Variants in ZEB1 observed in about 807,000 individuals in gnomAD.
The protein encoded by ZEB1 is zinc finger E-box binding homeobox 1.
ZEB1 carries 21 observed loss-of-function variants against 84.9 expected under a neutral mutation model. The observed-to-expected ratio is 0.25, with a 90% confidence interval of 0.18 to 0.36. ZEB1 has a LOEUF of 0.36. ZEB1 is among the 10% of genes least tolerant of loss of function. The pLI, the probability that ZEB1 is intolerant of heterozygous loss-of-function variation, is 1.00. For missense variants in ZEB1, 1,104 were observed against 1,330.2 expected, an observed-to-expected ratio of 0.83 and a Z score of 2.65; for synonymous variants, 420 against 471.1, an observed-to-expected ratio of 0.89 and a Z score of 1.41.
intron 1 of ZEB1, among the ~76,000 whole-genome samples, chr10:31,447,772 C>T (rs1404407300): frequency 2.5e-4 from 38 of 152,200 alleles, no homozygotes; most frequent in South Asian, 8.3e-4. Context: ...GGGTTTCTGC[C>T]GAGAGATCAG....
At chr10:31,479,697 T>C (rs2064783821) in intron 2 of ZEB1, among the ~76,000 whole-genome samples, 1 of 151,930 alleles carries the variant, frequency 6.6e-6, no homozygotes, top group African/African-American at 2.4e-5. Context: ...TAATATGCTA[T>C]TGAAATTGTT....
chr10:31,443,710 A>G (rs1322437021), intron 1 of ZEB1, among the ~76,000 whole-genome samples: 7 of 149,534 alleles, frequency 4.7e-5, no homozygotes, highest in South Asian at 2.1e-4. Flanking sequence ...ATGATTTCCA[A>G]TTTCATCCAT....
At chr10:31,337,683 G>GTTTTTTTTTT (rs756379165) in intron 1 of ZEB1, among the ~76,000 whole-genome samples, 13 of 98,796 alleles carry the variant, frequency 1.3e-4, no homozygotes, top group Admixed American at 2.1e-4. Flanking sequence ...ATTTCTTTCT[G>GTTTTTTTTTT]TTTTTTTTTT....
chr10:31,523,620 C>T (rs2072822703), intron 7 of ZEB1, among the ~76,000 whole-genome samples: 1 of 152,172 alleles, frequency 6.6e-6, no homozygotes, highest in African/African-American at 2.4e-5. Context: ...ACTAGGTAAA[C>T]TCTGTTACTA....
At position 31,521,065 on chromosome 10, in the gene ZEB1, C is replaced by T. The variant is rs766058439; in HGVS notation, c.1733C>T (p.Thr578Ile). 5 of 1,614,122 alleles carry T rather than the reference C, an allele frequency of 3.1e-6. No individual in the cohort carries two copies. The highest frequency in any genetic ancestry group is 4.2e-6 in the Non-Finnish European group (5 of 1,180,006). ...EKPESSVSSATGDGNLSPSQP... is the reference protein window; with the variant it reads ...EKPESSVSSAIGDGNLSPSQP... ...CCTGAGTCCTCTGTTTCATCAGCTA[C>T]TGGAGATGGCAATTTGTCTCCTAGT... Residue 578 changes from threonine (T) to isoleucine (I), a missense_variant, in exon 7 of 9, where the codon ACT becomes ATT. This residue lies in a region of ZEB1 where 531 missense variants were observed against 575.2 expected (regional missense o/e 0.92). Coordinates refer to ENST00000424869, the MANE Select transcript of ZEB1 (RefSeq NM_001174096.2).
At chr10:31,449,748 AC>A (rs1309952372) in intron 1 of ZEB1, among the ~76,000 whole-genome samples, 1 of 151,972 alleles carries the variant, frequency 6.6e-6, no homozygotes, top group Non-Finnish European at 1.5e-5. Flanking sequence ...TCCTACCACC[AC>A]CATTACTATT....
intron 6 of ZEB1, 41 bp downstream of exon 6, chr10:31,514,749 ATATGTGG>A (rs1373827843): frequency 2.1e-6 from 3 of 1,424,100 alleles, no homozygotes; most frequent in Non-Finnish European, 3.0e-6. Context: ...ATATCATAGC[ATATGTGG>A]TAATAAATAA....
At chr10:31,397,159 TTTATTA>T (rs200770494) in intron 1 of ZEB1, among the ~76,000 whole-genome samples, 27,302 of 128,176 alleles carry the variant, frequency 0.21, 3,323 homozygotes, top group East Asian at 0.33. Flanking sequence ...TCTTGGGTTT[TTTATTA>T]TTATTATTAT....
At position 31,483,864 on chromosome 10, in the gene ZEB1, T is replaced by G. The variant is rs186100071; in HGVS notation, c.260-11912T>G. ...TTCTTTTGGCTCTGTGGGTTGTGAG[T>G]CCATCCCAGGTCTCACTGGGCTAAA... On this transcript the variant is annotated intron_variant, in intron 2 of 8. Coordinates refer to ENST00000424869, the MANE Select transcript of ZEB1 (RefSeq NM_001174096.2). 1.2e-4 allele frequency among the ~76,000 whole-genome samples: 18 copies of G among 152,098 alleles called. No individual in the cohort carries two copies. In the East Asian group the frequency reaches 3.5e-3, roughly 30 times the overall value.
chr10:31,322,281 CAT>C (rs1285573013), intron 1 of ZEB1, among the ~76,000 whole-genome samples: 2 of 152,184 alleles, frequency 1.3e-5, no homozygotes, highest in African/African-American at 2.4e-5. Context: ...GCAGTGCAGT[CAT>C]ATTTAAGTTG....
intron 1 of ZEB1, among the ~76,000 whole-genome samples, chr10:31,440,964 G>A (rs986824853): frequency 1.3e-5 from 2 of 152,268 alleles, no homozygotes; most frequent in African/African-American, 4.8e-5. Flanking sequence ...TCAATATCGT[G>A]AAAATGGCCA....
chr10:31,512,830 C>T (rs754280242), intron 5 of ZEB1, among the ~76,000 whole-genome samples: 14 of 152,048 alleles, frequency 9.2e-5, no homozygotes, highest in Non-Finnish European at 1.8e-4. Flanking sequence ...TATCTGAATA[C>T]AGTGAAGGAG....
chr10:31,489,804 C>A (rs2066260508), intron 2 of ZEB1, among the ~76,000 whole-genome samples: 1 of 151,212 alleles, frequency 6.6e-6, no homozygotes, highest in Non-Finnish European at 1.5e-5. Flanking sequence ...TACATCATTT[C>A]TCTTCTTCTT....
chr10:31,378,463 T>G (rs1213933532), intron 1 of ZEB1, among the ~76,000 whole-genome samples: 1 of 151,806 alleles, frequency 6.6e-6, no homozygotes, highest in Non-Finnish European at 1.5e-5. Context: ...ACTACCTATA[T>G]TTTGAATTAC....
chr10:31,363,804 AG>A (rs943343569), intron 1 of ZEB1: 66 of 1,333,946 alleles, frequency 4.9e-5, no homozygotes, highest in Non-Finnish European at 6.3e-5. Flanking sequence ...CCGTGTTCCG[AG>A]GGATAAGACA....
chr10:31,376,732 GAAAAATATATTAT>G (rs2134643717), intron 1 of ZEB1, among the ~76,000 whole-genome samples: 1 of 151,552 alleles, frequency 6.6e-6, no homozygotes, highest in African/African-American at 2.4e-5. Context: ...ATATCTTGTG[GAAAAATATATTAT>G]TTGATATATG....
chr10:31,418,501 T>G (rs762467485), intron 1 of ZEB1, among the ~76,000 whole-genome samples: 8 of 152,146 alleles, frequency 5.3e-5, no homozygotes, highest in Non-Finnish European at 7.4e-5. Context: ...GTAGAATTCT[T>G]AAGAATTTTA....
intron 5 of ZEB1, 53 bp from the exon 6 acceptor site, chr10:31,514,550 T>G (rs2070728187): frequency 6.7e-7 from 1 of 1,502,594 alleles, no homozygotes; most frequent in Non-Finnish European, 9.2e-7. Context: ...TGGATGTTCT[T>G]TAGTCTAAAG....
chr10:31,485,904 C>T (rs942652231), intron 2 of ZEB1, among the ~76,000 whole-genome samples: 1 of 151,846 alleles, frequency 6.6e-6, no homozygotes, highest in Admixed American at 6.6e-5. Context: ...CATTCTACCA[C>T]AAATCCTGGC....
Sources: gnomAD v4.1 joint callset for allele counts (sites outside exome capture counted in the v4.1 genomes callset) on GRCh38, gnomAD v4.1.1 for gene constraint, gnomAD v4.1.1 regional missense constraint, MANE v1.5 for transcripts, NCBI Gene and HGNC (gene_info 2026-07-23, HGNC 2026-07-21) for gene names.